RTTN: variants seen among roughly 807,000 people sequenced by gnomAD.
The protein encoded by RTTN is rotatin.
Under a neutral mutation model 269.2 loss-of-function variants are expected in RTTN, and 182 were observed. The ratio of observed to expected loss-of-function variants is 0.68; its 90% CI spans 0.60 to 0.76. The LOEUF (loss-of-function observed/expected upper bound fraction) is 0.76, where lower values mean the gene tolerates loss of function less well. Among genes scored for constraint, RTTN ranks in the 30% least tolerant of loss-of-function variants. RTTN has a pLI of 0.00. For missense variants in RTTN, 2,545 were observed against 2,608.6 expected (o/e 0.98, Z 0.53); for synonymous variants, 1,006 against 963.5 (o/e 1.04, Z -0.82).
intron 11 of RTTN, among the ~76,000 whole-genome samples, chr18:70,174,403 T>A (rs2061232896): frequency 6.6e-6 from 1 of 152,060 alleles, no homozygotes; most frequent in Non-Finnish European, 1.5e-5. Flanking sequence ...TTAAAAACAA[T>A]GAAACTCGTG....
At chr18:70,069,828 A>T (rs1402742434) in intron 34 of RTTN, among the ~76,000 whole-genome samples, 1 of 152,192 alleles carries the variant, frequency 6.6e-6, no homozygotes, top group Non-Finnish European at 1.5e-5. Flanking sequence ...GTGTGAAAAA[A>T]ATAAAGTACA....
intron 40 of RTTN, among the ~76,000 whole-genome samples, chr18:70,034,635 A>G (rs944262912): frequency 5.9e-5 from 9 of 152,176 alleles, no homozygotes; most frequent in Non-Finnish European, 5.9e-5. Flanking sequence ...AAACTGGCAC[A>G]AGACAAGGAT....
chr18:70,174,000 G>A (rs2061217804), intron 11 of RTTN, among the ~76,000 whole-genome samples: 1 of 152,084 alleles, frequency 6.6e-6, no homozygotes. Context: ...GCTTGGAGAA[G>A]GAGGGAGAGG....
At chr18:70,103,879 C>T (rs2059248803) in intron 28 of RTTN, among the ~76,000 whole-genome samples, 1 of 152,056 alleles carries the variant, frequency 6.6e-6, no homozygotes, top group African/African-American at 2.4e-5. Context: ...ACGGGCTTCC[C>T]TTTGCGTGTA....
chr18:70,154,638 C>T (rs1306489068), intron 14 of RTTN, among the ~76,000 whole-genome samples: 2 of 152,142 alleles, frequency 1.3e-5, no homozygotes, highest in African/African-American at 4.8e-5. Flanking sequence ...TCTTTGACCT[C>T]CAGTCCATAA....
At chr18:70,011,874 G>C (rs991951906) in intron 46 of RTTN, among the ~76,000 whole-genome samples, 1 of 151,280 alleles carries the variant, frequency 6.6e-6, no homozygotes, top group African/African-American at 2.4e-5. Context: ...AGAGGGCAGC[G>C]TCTGCTCACT....
At chr18:70,021,589 G>GA (rs2056706363) in intron 44 of RTTN, among the ~76,000 whole-genome samples, 1 of 152,150 alleles carries the variant, frequency 6.6e-6, no homozygotes, top group African/African-American at 2.4e-5. Flanking sequence ...AGTGGAGCTG[G>GA]AAAATGCACT....
chr18:70,201,539 C>T lies in RTTN; in HGVS notation c.487+355G>A, dbSNP rs372454788. Among the ~76,000 whole-genome samples, 12 of 123,640 alleles carry T rather than the reference C, an allele frequency of 9.7e-5. 1 individual carries two copies. Among genetic ancestry groups the T allele is most frequent in the South Asian group, 5.7e-4 (2 of 3,518 alleles). The allele number at this position is 123,640 out of a possible 152,430, so 81.1% of individuals were successfully genotyped here. A position where few individuals can be genotyped will look rare whatever the true frequency, so the allele number is the denominator to read the frequency against. ...AGGAGAATGGCGTGAACCCGGGAGG[C>T]GGAGCTTGCAGTGAGCCGAGATCCC... On this transcript the variant is annotated intron_variant, in intron 4 of 48. Coordinates refer to ENST00000640769, the MANE Select transcript of RTTN (RefSeq NM_173630.4).
chr18:70,147,261 T>C (rs9949994), intron 17 of RTTN, among the ~76,000 whole-genome samples: 14,655 of 152,210 alleles, frequency 0.096, 1,494 homozygotes, highest in African/African-American at 0.26. Flanking sequence ...AGTGGTGTCA[T>C]AGGATTATAT....
chr18:70,142,841 A>G (rs1315280248), intron 18 of RTTN, among the ~76,000 whole-genome samples: 2 of 152,170 alleles, frequency 1.3e-5, no homozygotes, highest in African/African-American at 2.4e-5. Context: ...AAAGGCCAAC[A>G]TTGTGAAACT....
intron 38 of RTTN, among the ~76,000 whole-genome samples, chr18:70,052,747 A>AT (rs1237035967): frequency 4.0e-5 from 6 of 151,008 alleles, no homozygotes; most frequent in South Asian, 4.2e-4. Flanking sequence ...TTTAAAACTT[A>AT]TTTTTTTCAG....
intron 40 of RTTN, among the ~76,000 whole-genome samples, chr18:70,041,566 G>A (rs2057341187): frequency 6.6e-6 from 1 of 152,126 alleles, no homozygotes; most frequent in Non-Finnish European, 1.5e-5. Flanking sequence ...ACGTGAGGAT[G>A]AAGGATTGCT....
chr18:70,148,039 C>T (rs2060440906), intron 17 of RTTN, among the ~76,000 whole-genome samples: 1 of 152,096 alleles, frequency 6.6e-6, no homozygotes. Context: ...TATAATTTTC[C>T]TCCTTCCATT....
At chr18:70,111,852 C>A (rs1423132149) in intron 27 of RTTN, among the ~76,000 whole-genome samples, 1 of 152,176 alleles carries the variant, frequency 6.6e-6, no homozygotes, top group African/African-American at 2.4e-5. Context: ...GACACATAAT[C>A]ATCAGATTTA....
intron 31 of RTTN, 34 bp from the exon 32 acceptor site, chr18:70,086,718 A>AGTTC: frequency 1.2e-6 from 1 of 855,760 alleles, no homozygotes; most frequent in Non-Finnish European, 1.7e-6. Context: ...AAAAAAAAAA[A>AGTTC]AAAAAAAAAA....
At chr18:70,020,069 AATTT>A (rs1568248810) in intron 45 of RTTN, 1 of 152,584 alleles carries the variant, frequency 6.6e-6, no homozygotes, top group Non-Finnish European at 1.5e-5. Context: ...TGTGTACTAG[AATTT>A]ATTTAACTCA....
At chr18:70,026,930 G>A (rs1294408156) in intron 43 of RTTN, among the ~76,000 whole-genome samples, 7 of 152,272 alleles carry the variant, frequency 4.6e-5, no homozygotes, top group Admixed American at 3.9e-4. Context: ...AGGCTAGCAC[G>A]TGCAAGCATG....
At chr18:70,189,501 T>G (rs540309761) in intron 9 of RTTN, among the ~76,000 whole-genome samples, 4 of 152,306 alleles carry the variant, frequency 2.6e-5, no homozygotes, top group African/African-American at 9.6e-5. Context: ...ACGTTGAAAA[T>G]GTATAGATTT....
intron 35 of RTTN, among the ~76,000 whole-genome samples, chr18:70,062,258 A>G (rs1419787517): frequency 6.6e-6 from 1 of 152,086 alleles, no homozygotes; most frequent in African/African-American, 2.4e-5. Flanking sequence ...TATTTTTTTC[A>G]GCAAGTAAAA....
Sources: allele counts gnomAD v4.1 joint callset (sites outside exome capture counted in the v4.1 genomes callset), GRCh38; gene constraint gnomAD v4.1.1; transcripts MANE v1.5; gene names NCBI Gene and HGNC (gene_info 2026-07-23, HGNC 2026-07-21).